The following NCAPD2 variants were observed in gnomAD, a reference collection of about 807,000 sequenced individuals.
The protein encoded by NCAPD2 is non-SMC condensin I complex subunit D2, also known as condensin complex subunit 1.
In NCAPD2, 100 loss-of-function variants were observed where a neutral mutation model predicts 164.5. That is an observed-to-expected ratio of 0.61 (90% CI 0.52 to 0.72). The LOEUF is 0.72. NCAPD2 is among the 30% of genes least tolerant of loss of function. The pLI is 0.00. For missense variants in NCAPD2, 1,560 were observed against 1,749.2 expected, an observed-to-expected ratio of 0.89 and a Z score of 1.93; for synonymous variants, 585 against 642.6, an observed-to-expected ratio of 0.91 and a Z score of 1.36.
In NCAPD2 at chr12:6,526,927, T is replaced by C. The variant is rs953080684; in HGVS notation, c.2771T>C (p.Met924Thr). Residue 924 changes from methionine (M) to threonine (T), a missense_variant, in exon 22 of 32, where the codon ATG (methionine) becomes ACG (threonine). Physicochemically the swap from Met to Thr is moderately conservative, Grantham distance 81 (BLOSUM62 -1). Coordinates refer to ENST00000315579, the MANE Select transcript of NCAPD2 (RefSeq NM_014865.4). The stretch of plus-strand genomic sequence containing the variant: ...GCAATGCTCCCCACTTTCCTGTTGA[T>C]GAACCTGCTGTCCCTGGCTGGGGAT... ...SPAMLPTFLLMNLLSLAGDVA... is the reference protein window; with the variant it reads ...SPAMLPTFLLTNLLSLAGDVA... The C allele has an allele frequency of 6.8e-6, 11 of 1,613,910 alleles. No individual in the cohort carries two copies. In the Admixed American group the frequency reaches 1.3e-4, roughly 20 times the overall value.
chr12:6,522,292 G>C (rs2137056281), intron 15 of NCAPD2, among the ~76,000 whole-genome samples: 1 of 152,104 alleles, frequency 6.6e-6, no homozygotes, highest in Middle Eastern at 3.4e-3. Context: ...CCTTTAAAAG[G>C]CAGGGGTTCT....
rs774958966 is a variant in NCAPD2, at chr12:6,527,788, T to G, written c.2919T>G (p.Ser973=). 25 of 1,612,174 alleles carry G rather than the reference T, an allele frequency of 1.6e-5. No homozygotes were observed. Among genetic ancestry groups the G allele is most frequent in the Non-Finnish European group, 2.1e-5 (25 of 1,178,428 alleles). ...TTCATTCCCTTTAGAATACGAGCTC[T>G]GAGACCACCATGGAGGAGGAGCTGG... The part of the protein sequence containing the change: ...TKDPKEKNTS[S]ETTMEEELGL... Residue 973 remains serine (S), a synonymous_variant, in exon 23 of 32, where the codon TCT becomes TCG. Transcript: ENST00000315579.
Position 6,522,778 on chromosome 12 carries a change from TGGG to T in NCAPD2, c.1955-47_1955-45del, listed in dbSNP as rs767965969. On this transcript the variant is annotated intron_variant, in intron 15 of 31. Coordinates refer to ENST00000315579, the MANE Select transcript of NCAPD2 (RefSeq NM_014865.4). The stretch of plus-strand genomic sequence containing the variant: ...TCAGAAAGGTTCTGTCGTTAGGTAT[TGGG>T]GGAGTTTTGTGAAGTAGATAGGTGA... The T allele has an allele frequency of 6.9e-6, 11 of 1,593,586 alleles. No homozygotes were observed. In the South Asian group the frequency reaches 1.1e-4, roughly 16 times the overall value.
rs12424437 is a variant in NCAPD2, at chr12:6,510,638, G to A, written c.272G>A (p.Arg91His). The part of the protein sequence containing the change: ...TLQFLIKVVS[R>H]HSQELPAILD... ...ATTCTGCCCCTCACAGTGGTATCCC[G>A]CCACTCCCAGGAGCTTCCAGCTATC... Residue 91 changes from arginine to histidine, a missense_variant, in exon 5 of 32, where the codon CGC becomes CAC. Coordinates refer to ENST00000315579, the MANE Select transcript of NCAPD2 (RefSeq NM_014865.4). 20 of 1,614,100 alleles carry A rather than the reference G, an allele frequency of 1.2e-5. No individual in the cohort carries two copies. In the Admixed American group the frequency reaches 1.7e-4, roughly 13 times the overall value.
At position 6,527,201 on chromosome 12, in the gene NCAPD2, A is replaced by G. The variant is rs532140639; in HGVS notation, c.2907+138A>G. 8.5e-6 allele frequency: 8 copies of G among 945,402 alleles called. No homozygotes were observed. The East Asian group carries it at 2.0e-4, about 23-fold the overall frequency. The allele number at this position is 945,402 out of a possible 1,614,324, so 58.6% of individuals were successfully genotyped here. ...TCTGCCTCTCTGTGGCTACTACCGT[A>G]GGAAAGGTTCGTGTGAACAATGACG... On this transcript the variant is annotated intron_variant, in intron 22 of 31. Coordinates refer to ENST00000315579, the MANE Select transcript of NCAPD2 (RefSeq NM_014865.4).
chr12:6,516,567 G>C (rs1016693274), intron 9 of NCAPD2, among the ~76,000 whole-genome samples: 3 of 152,158 alleles, frequency 2.0e-5, no homozygotes, highest in African/African-American at 7.2e-5. Flanking sequence ...GTTAATAAAT[G>C]CTTTTCAAAT....
In NCAPD2 at chr12:6,511,060, C is replaced by T. The variant is rs73044244; in HGVS notation, c.445-50C>T. 9.5e-3 allele frequency: 15,164 copies of T among 1,596,548 alleles called. 84 individuals are homozygous for T. Among genetic ancestry groups the T allele is most frequent in the Non-Finnish European group, 0.011 (12,917 of 1,169,492 alleles). ...GGGCACTCAGACTGACAGATCTTGA[C>T]CCACTTTTTTCCCTTATTTTTTCCT... On this transcript the variant is annotated intron_variant, in intron 5 of 31. Transcript: ENST00000315579.
Position 6,526,317 on chromosome 12 carries a change from C to T in NCAPD2, c.2512C>T (p.Arg838Trp), listed in dbSNP as rs527891354. The T allele has an allele frequency of 2.1e-5, 34 of 1,614,190 alleles. No homozygotes were observed. Among genetic ancestry groups the T allele is most frequent in the Middle Eastern group, 1.6e-4 (1 of 6,062 alleles). Residue 838 changes from arginine (R) to tryptophan (W), a missense_variant, in exon 20 of 32, where the codon CGG (arginine) becomes TGG (tryptophan). Transcript: ENST00000315579. ...PSLGKRHPPF[R>W]LPQEHRLFER... ...TCTGGGCAAACGTCACCCCCCCTTC[C>T]GGCTGCCTCAGGAACACAGGTTGTT...
At chr12:6,519,607 CAT>C in intron 13 of NCAPD2, among the ~76,000 whole-genome samples, 1 of 152,186 alleles carries the variant, frequency 6.6e-6, no homozygotes, top group Non-Finnish European at 1.5e-5. Flanking sequence ...AGCAGTCAAA[CAT>C]GTATTCTTTT....
intron 27 of NCAPD2, 77 bp downstream of exon 27, chr12:6,529,116 C>A: frequency 7.6e-7 from 1 of 1,312,774 alleles, no homozygotes. Flanking sequence ...TATTTGAATT[C>A]CACCTCGGCT....
chr12:6,513,402 A>G (rs1312089408), intron 6 of NCAPD2, among the ~76,000 whole-genome samples: 2 of 152,056 alleles, frequency 1.3e-5, no homozygotes, highest in East Asian at 3.9e-4. Context: ...TTAGCTGGGC[A>G]TGGTGGAGGC....
chr12:6,509,856 G>A, intron 3 of NCAPD2, 64 bp downstream of exon 3: 3 of 1,542,568 alleles, frequency 1.9e-6, no homozygotes, highest in African/African-American at 1.4e-5. Context: ...AACTGTGCAT[G>A]TTAGTCCTGA....
intron 2 of NCAPD2, among the ~76,000 whole-genome samples, chr12:6,505,801 G>A (rs1347682542): frequency 1.3e-5 from 2 of 152,140 alleles, no homozygotes; most frequent in Non-Finnish European, 2.9e-5. Context: ...GGAGGCAGAA[G>A]TTGCAGTGAG....
intron 29 of NCAPD2, 111 bp downstream of exon 29, chr12:6,530,069 C>T (rs1444250090): frequency 2.4e-6 from 3 of 1,244,918 alleles, no homozygotes; most frequent in Non-Finnish European, 3.3e-6. Flanking sequence ...CTCCTTATCC[C>T]CAGCTGGGTT....
At chr12:6,494,724 G>T (rs1385514248) in intron 1 of NCAPD2, among the ~76,000 whole-genome samples, 1 of 152,154 alleles carries the variant, frequency 6.6e-6, no homozygotes, top group Non-Finnish European at 1.5e-5. Context: ...CGTACTGCTT[G>T]ATTTGTTTGA....
intron 2 of NCAPD2, among the ~76,000 whole-genome samples, chr12:6,502,898 T>C (rs532210578): frequency 6.6e-6 from 1 of 151,908 alleles, no homozygotes; most frequent in South Asian, 2.1e-4. Flanking sequence ...TCACCCAGGC[T>C]GGAATACAGT....
rs756476624 is a variant in NCAPD2, at chr12:6,516,963, G to C, written c.1123G>C (p.Asp375His). 15 of 1,614,148 alleles carry C rather than the reference G, an allele frequency of 9.3e-6. No individual in the cohort carries two copies. Among genetic ancestry groups the C allele is most frequent in the Admixed American group, 1.7e-5 (1 of 60,016 alleles). The change falls in exon 10 of 32, where the codon GAT becomes CAT. Residue 375 changes from aspartate (D) to histidine (H), a missense_variant. Coordinates refer to ENST00000315579, the MANE Select transcript of NCAPD2 (RefSeq NM_014865.4). ...GGATACTTTACAAGCCCATGGCCAT[G>C]ATGTCAACTCCTTTGTGCGGAGCCG... ...FLDTLQAHGH[D>H]VNSFVRSRVL...
At chr12:6,502,442 A>G (rs1592165258) in intron 2 of NCAPD2, among the ~76,000 whole-genome samples, 1 of 152,306 alleles carries the variant, frequency 6.6e-6, no homozygotes, top group East Asian at 1.9e-4. Context: ...ACGAATGCCC[A>G]CTTCAGGTTA....
intron 2 of NCAPD2, among the ~76,000 whole-genome samples, chr12:6,497,675 A>G (rs568113789): frequency 2.0e-5 from 3 of 152,236 alleles, no homozygotes; most frequent in African/African-American, 7.2e-5. Flanking sequence ...GCTGGAGTGC[A>G]GTGGCGCAAT....
Sources: gnomAD v4.1 joint callset for allele counts (sites outside exome capture counted in the v4.1 genomes callset) on GRCh38, gnomAD v4.1.1 for gene constraint, MANE v1.5 for transcripts, NCBI Gene and HGNC (gene_info 2026-07-23, HGNC 2026-07-21) for gene names.